Variants in LRP2 observed in about 807,000 individuals in gnomAD.
LRP2 encodes low-density lipoprotein receptor-related protein 2.
A neutral mutation model predicts 531.0 loss-of-function variants in LRP2; 172 were observed. That is an observed-to-expected ratio of 0.32 (90% CI 0.29 to 0.37). The LOEUF (loss-of-function observed/expected upper bound fraction) is 0.37, where lower values mean the gene tolerates loss of function less well. Among genes scored for constraint, LRP2 ranks in the 10% least tolerant of loss-of-function variants. The probability of loss-of-function intolerance (pLI) is 1.00; values close to 1 mark genes in which losing one functional copy is unlikely to be tolerated. For synonymous variants in LRP2, 1,992 were observed against 2,027.6 expected, an observed-to-expected ratio of 0.98 and a Z score of 0.47; for missense variants, 5,167 against 5,868.3, an observed-to-expected ratio of 0.88 and a Z score of 3.90.
intron 75 of LRP2, among the ~76,000 whole-genome samples, 198 bp from the exon 76 acceptor site, chr2:169,137,691 C>T (rs1021823160): frequency 2.5e-4 from 37 of 150,504 alleles, no homozygotes; most frequent in African/African-American, 9.1e-4. Flanking sequence ...ACAAGACCTC[C>T]ATATGGCAAA....
chr2:169,239,633 A>C lies in LRP2; in HGVS notation c.4188T>G (p.Ile1396Met). ...KTCEDIDECD[I>M]LGSCSQHCYN... is the part of the protein sequence containing the mutation. ...AACAGTGCTGGCTACAAGAGCCTAGAATATCACATTCATCTATGTCTTCAC... is the reference window on the plus strand; with the variant it reads ...AACAGTGCTGGCTACAAGAGCCTAGCATATCACATTCATCTATGTCTTCAC... Residue 1396 changes from isoleucine (I) to methionine (M), a missense_variant, in exon 26 of 79, where the codon ATT (isoleucine) becomes ATG (methionine). Around this residue, in one of 6 missense-constraint regions of LRP2, gnomAD observed 2,811 missense variants for 3,058.0 expected, o/e 0.92. Transcript: ENST00000649046. 1 of 1,614,136 alleles carries C rather than the reference A, an allele frequency of 6.2e-7. No homozygotes were observed. The highest frequency in any genetic ancestry group is 1.1e-5 in the South Asian group (1 of 91,082).
chr2:169,248,660 G>T (rs969805481), intron 19 of LRP2, among the ~76,000 whole-genome samples: 1 of 123,964 alleles, frequency 8.1e-6, no homozygotes, highest in East Asian at 1.9e-4. Context: ...GAACAGCTCC[G>T]GTCTACAGCT....
At chr2:169,305,000 TGG>T (rs2105488542) in intron 4 of LRP2, among the ~76,000 whole-genome samples, 1 of 152,154 alleles carries the variant, frequency 6.6e-6, no homozygotes, top group Non-Finnish European at 1.5e-5. Flanking sequence ...CACTCATAAG[TGG>T]GAGTTGAACG....
At chr2:169,187,338 AAT>A (rs1441743241) in intron 49 of LRP2, among the ~76,000 whole-genome samples, 10 of 152,232 alleles carry the variant, frequency 6.6e-5, no homozygotes, top group African/African-American at 2.4e-4. Flanking sequence ...GAGTACTGAC[AAT>A]GAACAAGTGG....
chr2:169,308,630 C>G (rs1182774895), intron 3 of LRP2, among the ~76,000 whole-genome samples: 1 of 152,180 alleles, frequency 6.6e-6, no homozygotes, highest in East Asian at 1.9e-4. Context: ...CATTGATGGA[C>G]TTTTGGGTTG....
rs116570214 is a variant in LRP2, at chr2:169,182,606, C to T, written c.9846-287G>A. On this transcript the variant is annotated intron_variant, in intron 50 of 78. Coordinates refer to ENST00000649046, the MANE Select transcript of LRP2 (RefSeq NM_004525.3). Reference sequence around the variant, plus strand: ...GTCTGGTTTTACTTTCCTCATGCAGCATAAGGCACCCTCTCCAGGCAGTGC... The same window carrying T: ...GTCTGGTTTTACTTTCCTCATGCAGTATAAGGCACCCTCTCCAGGCAGTGC... 2.1e-3 allele frequency: 2,047 copies of T among 985,366 alleles called. 27 individuals are homozygous for T. The African/African-American group carries it at 0.033, about 16-fold the overall frequency. 61.0% of individuals were successfully genotyped at this position (985,366 alleles called of 1,614,324 possible).
rs1272052646 is a variant in LRP2 at position 169,206,092 on chromosome 2, T to C, written c.7487A>G (p.Asp2496Gly). 6.2e-7 allele frequency: 1 copy of C among 1,614,262 alleles called. No homozygotes were observed. The highest frequency in any genetic ancestry group is 1.3e-5 in the African/African-American group (1 of 75,072). Reference protein sequence around the residue: ...LNQMINSMAEDGSNRTVIARV... With the variant: ...LNQMINSMAEGGSNRTVIARV... ...GGCTATCACAGTGCGGTTAGACCCA[T>C]CTTCAGCCATGGAATTAATCATCTG... Residue 2496 changes from aspartate (D) to glycine (G), a missense_variant, in exon 40 of 79, where the codon GAT becomes GGT. By Grantham distance (94) the Asp-to-Gly change is moderately conservative (BLOSUM62 -1). Around this residue, in one of 6 missense-constraint regions of LRP2, gnomAD observed 1,129 missense variants for 1,362.7 expected, o/e 0.83. Coordinates refer to ENST00000649046, the MANE Select transcript of LRP2 (RefSeq NM_004525.3).
intron 68 of LRP2, among the ~76,000 whole-genome samples, chr2:169,149,296 T>A (rs1042221469): frequency 6.6e-6 from 1 of 152,226 alleles, no homozygotes; most frequent in African/African-American, 2.4e-5. Context: ...ATCATCTTCA[T>A]CATCCTTTGG....
In LRP2 at chr2:169,259,039, A is replaced by T. The variant is rs1283080050; in HGVS notation, c.2499T>A (p.Val833=). The change falls in exon 17 of 79, where the codon GTT becomes GTA. Residue 833 remains valine, a synonymous_variant. Transcript: ENST00000649046. The part of the protein sequence containing the change: ...QYLNNPRSVV[V]HPFAGYLFFT... ...AACACACTTACCCGGCAAAAGGATG[A>T]ACTACCACCGACCGTGGGTTATTTA... The T allele has an allele frequency of 1.2e-6, 2 of 1,613,280 alleles. No homozygotes were observed. The highest frequency in any genetic ancestry group is 1.7e-6 in the Non-Finnish European group (2 of 1,179,536).
At chr2:169,182,515 G>T in intron 50 of LRP2, 196 bp from the exon 51 acceptor site, 1 of 1,467,474 alleles carries the variant, frequency 6.8e-7, no homozygotes, top group Non-Finnish European at 9.0e-7. Flanking sequence ...GCAAGACTGT[G>T]TGCAATAATT....
Position 169,173,198 on chromosome 2 carries a change from AGTT to A in LRP2, c.11038_11040del (p.Asn3680del). On this transcript the variant is annotated inframe_deletion, in exon 57 of 79. Transcript: ENST00000649046. ...TTTGTTTTGCAGCTGAATTCTGTGAAGTTGTCACAGAGATGGGCAGAGCTCACT... is the reference window on the plus strand; with the variant it reads ...TTTGTTTTGCAGCTGAATTCTGTGAAGTCACAGAGATGGGCAGAGCTCACT... The A allele has an allele frequency of 6.2e-7, 1 of 1,614,176 alleles. No homozygotes were observed. Among genetic ancestry groups the A allele is most frequent in the South Asian group, 1.1e-5 (1 of 91,078 alleles).
Position 169,362,358 on chromosome 2 carries a change from C to G in LRP2, c.42G>C (p.Leu14=). Residue 14 remains leucine, a synonymous_variant, in exon 1 of 79, where the codon CTG becomes CTC. Coordinates refer to ENST00000649046, the MANE Select transcript of LRP2 (RefSeq NM_004525.3). ...GPAAVACTLL[L]ALVACLAPAS... ...CCGGCGCTAGGCAGGCGACGAGAGC[C>G]AGGAGCAGCGTGCACGCCACTGCTG... 1 of 1,570,882 alleles carries G rather than the reference C, an allele frequency of 6.4e-7. No homozygotes were observed. The highest frequency in any genetic ancestry group is 1.2e-5 in the South Asian group (1 of 85,516).
At chr2:169,216,120 G>C in intron 35 of LRP2, 133 bp downstream of exon 35, 1 of 921,014 alleles carries the variant, frequency 1.1e-6, no homozygotes, top group East Asian at 2.5e-5. Flanking sequence ...GTTATTGGGA[G>C]AAGGGGCAAT....
At chr2:169,222,133 G>A (rs1461195940) in intron 33 of LRP2, among the ~76,000 whole-genome samples, 1 of 152,098 alleles carries the variant, frequency 6.6e-6, no homozygotes, top group Non-Finnish European at 1.5e-5. Flanking sequence ...ACAATCACCT[G>A]GAAGACTTAC....
chr2:169,234,870 T>C (rs114534086), intron 29 of LRP2, among the ~76,000 whole-genome samples: 6,320 of 152,214 alleles, frequency 0.042, 351 homozygotes, highest in African/African-American at 0.13. Context: ...AAAAATGTTA[T>C]GTGAAGAACA....
intron 10 of LRP2, among the ~76,000 whole-genome samples, chr2:169,281,202 A>C (rs1683693905): frequency 6.6e-6 from 1 of 152,174 alleles, no homozygotes; most frequent in South Asian, 2.1e-4. Context: ...TAGGCAGATC[A>C]CCTGAAGTCA....
chr2:169,136,945 C>G (rs1334986579), intron 76 of LRP2, among the ~76,000 whole-genome samples: 1 of 152,224 alleles, frequency 6.6e-6, no homozygotes, highest in African/African-American at 2.4e-5. Flanking sequence ...TAATCCACCT[C>G]AAACCACATG....
intron 54 of LRP2, 151 bp downstream of exon 54, chr2:169,176,260 G>A (rs1687189247): frequency 1.2e-6 from 1 of 803,950 alleles, no homozygotes; most frequent in Admixed American, 2.1e-5. Context: ...ATCTGAAGTT[G>A]GAGGCTGAGA....
At chr2:169,323,787 C>G (rs532354846) in intron 1 of LRP2, among the ~76,000 whole-genome samples, 1 of 151,332 alleles carries the variant, frequency 6.6e-6, no homozygotes, top group Non-Finnish European at 1.5e-5. Context: ...AGTAATCTTG[C>G]AAATAATCAT....
Sources: gnomAD v4.1 joint callset for allele counts (sites outside exome capture counted in the v4.1 genomes callset) on GRCh38, gnomAD v4.1.1 for gene constraint, gnomAD v4.1.1 regional missense constraint, MANE v1.5 for transcripts, NCBI Gene and HGNC (gene_info 2026-07-23, HGNC 2026-07-21) for gene names.